The following SLAIN1 variants were observed in gnomAD, a reference collection of about 807,000 sequenced individuals.
The protein encoded by SLAIN1 is SLAIN family member 1.
In SLAIN1, 17 loss-of-function variants were observed where a neutral mutation model predicts 55.4. The ratio of observed to expected loss-of-function variants is 0.31; its 90% CI spans 0.21 to 0.46. The LOEUF (loss-of-function observed/expected upper bound fraction) is 0.46, where lower values mean the gene tolerates loss of function less well. SLAIN1 is among the 20% of genes least tolerant of loss of function. The probability of loss-of-function intolerance (pLI) is 1.00; values close to 1 mark genes in which losing one functional copy is unlikely to be tolerated. For synonymous variants in SLAIN1, 348 were observed against 337.4 expected, an observed-to-expected ratio of 1.03 and a Z score of -0.35; for missense variants, 682 against 785.1, an observed-to-expected ratio of 0.87 and a Z score of 1.57.
At chr13:77,758,355 A>G (rs1357779492) in intron 5 of SLAIN1, among the ~76,000 whole-genome samples, 2 of 151,896 alleles carry the variant, frequency 1.3e-5, no homozygotes, top group Non-Finnish European at 2.9e-5. Context: ...TAGTTTGCAG[A>G]TATTTTTTTC....
At chr13:77,721,435 A>G (rs973146492) in intron 2 of SLAIN1, among the ~76,000 whole-genome samples, 7 of 152,088 alleles carry the variant, frequency 4.6e-5, no homozygotes, top group African/African-American at 1.7e-4. Flanking sequence ...CTTTGGATTA[A>G]CTCTTTGAAG....
intron 5 of SLAIN1, among the ~76,000 whole-genome samples, chr13:77,760,107 A>G (rs919068453): frequency 6.6e-6 from 1 of 152,186 alleles, no homozygotes; most frequent in Non-Finnish European, 1.5e-5. Flanking sequence ...GTTAGTATGT[A>G]AGCAGAATTC....
At chr13:77,751,432 A>G (rs1353643742) in intron 4 of SLAIN1, among the ~76,000 whole-genome samples, 1 of 152,238 alleles carries the variant, frequency 6.6e-6, no homozygotes, top group Non-Finnish European at 1.5e-5. Flanking sequence ...AACCTAGACC[A>G]TAAATCTTGA....
chr13:77,736,527 C>T (rs1278963524), intron 2 of SLAIN1, among the ~76,000 whole-genome samples: 1 of 151,978 alleles, frequency 6.6e-6, no homozygotes, highest in African/African-American at 2.4e-5. Flanking sequence ...AGCTACAGCC[C>T]CCCTCTTTTT....
At chr13:77,741,217 A>T (rs1873413270) in intron 2 of SLAIN1, 2 of 986,122 alleles carry the variant, frequency 2.0e-6, no homozygotes, top group Admixed American at 1.2e-4. Context: ...GTTAGGCAAG[A>T]TAGCAGTCAC....
At chr13:77,761,233 T>C in intron 6 of SLAIN1, 123 bp downstream of exon 6, 1 of 917,722 alleles carries the variant, frequency 1.1e-6, no homozygotes, top group South Asian at 1.6e-5. Flanking sequence ...ATGGCCTGAC[T>C]TGTGCTCTCC....
intron 2 of SLAIN1, among the ~76,000 whole-genome samples, chr13:77,735,960 A>T (rs1356332787): frequency 2.6e-5 from 4 of 151,472 alleles, no homozygotes; most frequent in Non-Finnish European, 5.9e-5. Context: ...ATTATGGTAA[A>T]TTTTTTATTT....
At chr13:77,702,516 A>C (rs574333091) in intron 1 of SLAIN1, among the ~76,000 whole-genome samples, 1 of 152,186 alleles carries the variant, frequency 6.6e-6, no homozygotes, top group African/African-American at 2.4e-5. Flanking sequence ...AGTAATTCAG[A>C]TTGGTCTGAA....
At position 77,746,752 on chromosome 13, in the gene SLAIN1, G is replaced by A; in HGVS notation, c.1155G>A (p.Arg385=). The change falls in exon 4 of 7, where the codon AGG becomes AGA. Residue 385 remains arginine, a synonymous_variant. Transcript: ENST00000418532. The part of the protein sequence containing the change: ...QTFSSIRECR[R]SPSSQYFPSN... Reference sequence around the variant, plus strand: ...TCTCCAGCATTCGGGAGTGTAGGAGGAGCCCCAGTTCCCAGTATTTTCCTT... The same window carrying A: ...TCTCCAGCATTCGGGAGTGTAGGAGAAGCCCCAGTTCCCAGTATTTTCCTT... 6.2e-7 allele frequency: 1 copy of A among 1,613,814 alleles called. No homozygotes were observed. Among genetic ancestry groups the A allele is most frequent in the Non-Finnish European group, 8.5e-7 (1 of 1,179,808 alleles).
intron 1 of SLAIN1, among the ~76,000 whole-genome samples, chr13:77,708,871 A>G (rs542993180): frequency 1.5e-4 from 23 of 152,222 alleles, no homozygotes; most frequent in African/African-American, 5.5e-4. Flanking sequence ...AAAGGATCAC[A>G]ACTCCTTGCC....
At chr13:77,739,071 A>T (rs147257948) in intron 2 of SLAIN1, among the ~76,000 whole-genome samples, 50 of 152,158 alleles carry the variant, frequency 3.3e-4, no homozygotes, top group Non-Finnish European at 6.3e-4. Flanking sequence ...CCCCAGTCAC[A>T]CAGATCCTAG....
At chr13:77,703,990 G>A (rs368388856) in intron 1 of SLAIN1, among the ~76,000 whole-genome samples, 1 of 964 alleles carries the variant, frequency 1.0e-3, no homozygotes, top group Non-Finnish European at 1.8e-3. Flanking sequence ...TATATACATA[G>A]AAAATATATA....
At chr13:77,718,738 C>A (rs1376149946) in intron 1 of SLAIN1, among the ~76,000 whole-genome samples, 4 of 152,080 alleles carry the variant, frequency 2.6e-5, no homozygotes, top group African/African-American at 4.8e-5. Context: ...AATTCACCCT[C>A]CCCCCTTTTT....
intron 1 of SLAIN1, among the ~76,000 whole-genome samples, chr13:77,711,118 A>G (rs1032268929): frequency 2.0e-5 from 3 of 152,180 alleles, no homozygotes; most frequent in African/African-American, 7.2e-5. Context: ...AATGCCCACC[A>G]GAGAAAGCAG....
At chr13:77,749,261 G>T (rs1463959439) in intron 4 of SLAIN1, among the ~76,000 whole-genome samples, 1 of 152,166 alleles carries the variant, frequency 6.6e-6, no homozygotes, top group African/African-American at 2.4e-5. Flanking sequence ...TAGATTTAAA[G>T]AGATGGTTCA....
chr13:77,705,072 C>G (rs1485523579), intron 1 of SLAIN1, among the ~76,000 whole-genome samples: 1 of 151,578 alleles, frequency 6.6e-6, no homozygotes, highest in Non-Finnish European at 1.5e-5. Flanking sequence ...TATATACACA[C>G]ATAAAATATA....
In SLAIN1 at chr13:77,698,077, C is replaced by T; in HGVS notation, c.164C>T (p.Ala55Val). 1 of 1,263,072 alleles carries T rather than the reference C, an allele frequency of 7.9e-7. No homozygotes were observed. The highest frequency in any genetic ancestry group is 1.0e-6 in the Non-Finnish European group (1 of 990,956). 78.2% of individuals were successfully genotyped at this position (1,263,072 alleles called of 1,614,324 possible). Residue 55 changes from alanine (A) to valine (V), a missense_variant, in exon 1 of 7, where the codon GCC becomes GTC. Ala to Val is a moderately conservative substitution (Grantham distance 64). Transcript: ENST00000418532. The surrounding 1 kb of genome is among the most constrained non-coding windows in gnomAD (Gnocchi z 4.1). ...CGGAGTCGAGCGGCCAGCGCGGCCG[C>T]CGCCCCGCACCTGCTGCTGCTGCCG... ...QLRSRAASAA[A>V]APHLLLLPPP...
At chr13:77,737,034 A>G (rs1873154438) in intron 2 of SLAIN1, among the ~76,000 whole-genome samples, 1 of 151,968 alleles carries the variant, frequency 6.6e-6, no homozygotes, top group African/African-American at 2.4e-5. Context: ...CCTGAACTCC[A>G]ACTCCATACT....
At chr13:77,716,002 GAC>G (rs1319503571) in intron 1 of SLAIN1, among the ~76,000 whole-genome samples, 4 of 152,044 alleles carry the variant, frequency 2.6e-5, no homozygotes, top group Non-Finnish European at 5.9e-5. Flanking sequence ...CCAACTCAAG[GAC>G]ACACATACTT....
Sources: allele counts gnomAD v4.1 joint callset (sites outside exome capture counted in the v4.1 genomes callset), GRCh38; gene constraint gnomAD v4.1.1; non-coding constraint Gnocchi (gnomAD v3.1); transcripts MANE v1.5; gene names NCBI Gene and HGNC (gene_info 2026-07-23, HGNC 2026-07-21).